Variants in BBS9 observed in about 807,000 individuals in gnomAD.
The protein encoded by BBS9 is protein PTHB1.
In BBS9, 89 loss-of-function variants were observed where a neutral mutation model predicts 117.7. That is an observed-to-expected ratio of 0.76 (90% CI 0.64 to 0.90). BBS9 has a LOEUF of 0.90. Ranked by LOEUF, BBS9 falls within the 40% of genes least tolerant of loss-of-function variation. BBS9 has a pLI of 0.00. For synonymous variants in BBS9, 379 were observed against 370.9 expected (o/e 1.02, Z -0.25); for missense variants, 982 against 1,042.2 (o/e 0.94, Z 0.80).
chr7:33,378,513 G>A (rs1824323622), intron 17 of BBS9, among the ~76,000 whole-genome samples: 1 of 152,166 alleles, frequency 6.6e-6, no homozygotes, highest in Non-Finnish European at 1.5e-5. Flanking sequence ...CCCAATATGG[G>A]GGGATTGAGA....
At chr7:33,172,037 G>T (rs1796656272) in intron 4 of BBS9, among the ~76,000 whole-genome samples, 1 of 152,010 alleles carries the variant, frequency 6.6e-6, no homozygotes, top group South Asian at 2.1e-4. Flanking sequence ...GGGGAGAAGG[G>T]AGCATATTGG....
chr7:33,517,592 T>G (rs1344277349), intron 20 of BBS9, among the ~76,000 whole-genome samples: 1 of 152,232 alleles, frequency 6.6e-6, no homozygotes, highest in Non-Finnish European at 1.5e-5. Flanking sequence ...TTTCTCCACT[T>G]TTCATCACGT....
chr7:33,403,421 C>T (rs1168035491), intron 19 of BBS9, among the ~76,000 whole-genome samples: 1 of 149,060 alleles, frequency 6.7e-6, no homozygotes, highest in Non-Finnish European at 1.5e-5. Context: ...CCCATTAACT[C>T]GTCATTTAGC....
At chr7:33,286,677 T>C (rs1350909007) in intron 9 of BBS9, among the ~76,000 whole-genome samples, 3 of 152,112 alleles carry the variant, frequency 2.0e-5, no homozygotes. Flanking sequence ...AAAAGTGATT[T>C]ATTTGTGTGT....
chr7:33,424,692 G>C (rs1833392364), intron 19 of BBS9, among the ~76,000 whole-genome samples: 1 of 152,070 alleles, frequency 6.6e-6, no homozygotes, highest in South Asian at 2.1e-4. Context: ...TTAATATGCA[G>C]ACCATAGTGT....
intron 19 of BBS9, among the ~76,000 whole-genome samples, chr7:33,492,212 AAC>A (rs1844044490): frequency 1.4e-5 from 2 of 144,912 alleles, no homozygotes; most frequent in African/African-American, 2.7e-5. Context: ...CGAAAAAAAA[AAC>A]AAAAAAAAAA....
intron 21 of BBS9, among the ~76,000 whole-genome samples, chr7:33,574,261 TA>T (rs1250452115): frequency 2.0e-5 from 3 of 152,308 alleles, no homozygotes; most frequent in East Asian, 1.9e-4. Flanking sequence ...TAAGGTCCTT[TA>T]TTTTTTTGCT....
chr7:33,322,208 T>A (rs1811863543), intron 9 of BBS9, among the ~76,000 whole-genome samples: 1 of 152,070 alleles, frequency 6.6e-6, no homozygotes, highest in African/African-American at 2.4e-5. Context: ...TTTGCTTTAT[T>A]TTGGTGTCAG....
intron 10 of BBS9, among the ~76,000 whole-genome samples, chr7:33,340,275 C>T (rs1393417901): frequency 6.6e-6 from 1 of 152,056 alleles, no homozygotes; most frequent in Non-Finnish European, 1.5e-5. Flanking sequence ...ATATTAGACA[C>T]ATTGTACTAC....
intron 5 of BBS9, among the ~76,000 whole-genome samples, chr7:33,192,594 G>A (rs544993811): frequency 6.6e-6 from 1 of 152,302 alleles, no homozygotes; most frequent in East Asian, 1.9e-4. Flanking sequence ...GCTCTTAAAT[G>A]ACTTTCGTTA....
At chr7:33,314,492 T>TA (rs1346978343) in intron 9 of BBS9, 1 of 195,100 alleles carries the variant, frequency 5.1e-6, no homozygotes, top group Non-Finnish European at 1.1e-5. Flanking sequence ...TACATGACTG[T>TA]AAAAGAGTTG....
At chr7:33,255,347 C>CTTTTTT (rs34214619) in intron 5 of BBS9, among the ~76,000 whole-genome samples, 1 of 134,026 alleles carries the variant, frequency 7.5e-6, no homozygotes, top group East Asian at 2.1e-4. Flanking sequence ...AGATAAGGAT[C>CTTTTTT]TTTTTTTTTT....
At chr7:33,522,679 T>G (rs1467544820) in intron 20 of BBS9, among the ~76,000 whole-genome samples, 142 of 150,430 alleles carry the variant, frequency 9.4e-4, no homozygotes, top group Admixed American at 2.2e-3. Context: ...TGCGAAAATT[T>G]TCTCCCATTT....
At chr7:33,191,019 T>A (rs1405849872) in intron 5 of BBS9, among the ~76,000 whole-genome samples, 1 of 152,006 alleles carries the variant, frequency 6.6e-6, no homozygotes, top group Non-Finnish European at 1.5e-5. Context: ...CAAGAGGAGG[T>A]CCCTTACAGC....
chr7:33,300,884 G>C (rs1307144716), intron 9 of BBS9, among the ~76,000 whole-genome samples: 2 of 151,962 alleles, frequency 1.3e-5, no homozygotes, highest in East Asian at 3.9e-4. Context: ...GTTTTTCTTT[G>C]CCTGAAGGCA....
intron 19 of BBS9, among the ~76,000 whole-genome samples, chr7:33,422,075 T>C (rs1832935018): frequency 1.3e-5 from 2 of 152,168 alleles, no homozygotes; most frequent in East Asian, 3.8e-4. Context: ...AATAGAAATA[T>C]TTTTAAATTG....
intron 19 of BBS9, among the ~76,000 whole-genome samples, chr7:33,424,806 A>G (rs1275251997): frequency 1.3e-5 from 2 of 152,042 alleles, no homozygotes; most frequent in African/African-American, 2.4e-5. Flanking sequence ...TTTAGCTGCT[A>G]TTTAAGAAGG....
At position 33,329,721 on chromosome 7, in the gene BBS9, A is replaced by G. The variant is rs144469996; in HGVS notation, c.1017-6720A>G. Among the ~76,000 whole-genome samples, 805 of 152,320 alleles carry G rather than the reference A, an allele frequency of 5.3e-3. 8 individuals are homozygous for G. The highest frequency in any genetic ancestry group is 0.017 in the African/African-American group (724 of 41,574). On this transcript the variant is annotated intron_variant, in intron 9 of 22. Transcript: ENST00000242067. ...TCTCTAAAAGGATTATAACAAATTT[A>G]CATTGGTATCAAAAGTATATGAGAG...
At chr7:33,219,713 G>T (rs529027138) in intron 5 of BBS9, among the ~76,000 whole-genome samples, 13 of 152,086 alleles carry the variant, frequency 8.5e-5, no homozygotes, top group Non-Finnish European at 1.5e-4. Flanking sequence ...ACCAATCAGC[G>T]CCCTGTCAAA....
Sources: gnomAD v4.1 joint callset for allele counts (sites outside exome capture counted in the v4.1 genomes callset) on GRCh38, gnomAD v4.1.1 for gene constraint, MANE v1.5 for transcripts, NCBI Gene and HGNC (gene_info 2026-07-23, HGNC 2026-07-21) for gene names.